The following PMS1 variants were observed in gnomAD, a reference collection of about 807,000 sequenced individuals.
The protein encoded by PMS1 is PMS1 protein homolog 1.
Under a neutral mutation model 93.1 loss-of-function variants are expected in PMS1, and 79 were observed. The ratio of observed to expected loss-of-function variants is 0.85; its 90% CI spans 0.71 to 1.02. The LOEUF is 1.02. PMS1 is among the 50% of genes least tolerant of loss of function. The probability of loss-of-function intolerance (pLI) is 0.00; values close to 1 mark genes in which losing one functional copy is unlikely to be tolerated. For missense variants in PMS1, 1,064 were observed against 1,085.3 expected (o/e 0.98, Z 0.28); for synonymous variants, 335 against 363.4 (o/e 0.92, Z 0.89).
At chr2:189,870,280 G>A (rs2057033930) in intron 11 of PMS1, among the ~76,000 whole-genome samples, 1 of 152,100 alleles carries the variant, frequency 6.6e-6, no homozygotes, top group African/African-American at 2.4e-5. Context: ...TTTGGATAAG[G>A]ATAAAAACAT....
intron 4 of PMS1, among the ~76,000 whole-genome samples, chr2:189,816,782 G>A (rs911083670): frequency 6.6e-6 from 1 of 151,982 alleles, no homozygotes; most frequent in African/African-American, 2.4e-5. Flanking sequence ...ATAAGCAGTA[G>A]GACAAAAATT....
chr2:189,857,549 C>A, intron 9 of PMS1: 1 of 429,876 alleles, frequency 2.3e-6, no homozygotes, highest in African/African-American at 2.1e-5. Context: ...TATAGACCTT[C>A]AGTCCATCCT....
In PMS1 at chr2:189,873,603, A is replaced by T; in HGVS notation, c.2581A>T (p.Asn861Tyr). ...AATTCTTAATGCTATATTAAACAGA[A>T]ATGCAAAGGAAGTTTATGAATGTAG... ...KEILNAILNR[N>Y]AKEVYECRPR... The change falls in exon 12 of 13, where the codon AAT (asparagine) becomes TAT (tyrosine). Residue 861 changes from asparagine (N) to tyrosine (Y), a missense_variant. Transcript: ENST00000441310. 6.2e-7 allele frequency: 1 copy of T among 1,606,336 alleles called. No individual in the cohort carries two copies. Among genetic ancestry groups the T allele is most frequent in the African/African-American group, 1.3e-5 (1 of 74,894 alleles).
rs536009661 is a variant in PMS1 at position 189,861,150 on chromosome 2, G to A, written c.1857-2593G>A. 7.9e-5 allele frequency among the ~76,000 whole-genome samples: 12 copies of A among 151,632 alleles called. No homozygotes were observed. The South Asian group carries it at 2.5e-3, about 32-fold the overall frequency. ...GTTCTTTTGTTCCTCCTTTTTGGGG[G>A]GAGAGGAGCCCTTTAGGGTTAAAAG... On this transcript the variant is annotated intron_variant, in intron 9 of 12. Coordinates refer to ENST00000441310, the MANE Select transcript of PMS1 (RefSeq NM_000534.5).
At chr2:189,836,008 A>G in intron 5 of PMS1, among the ~76,000 whole-genome samples, 1 of 151,786 alleles carries the variant, frequency 6.6e-6, no homozygotes, top group East Asian at 1.9e-4. Context: ...ACAATTTGCA[A>G]GAATTTTGGC....
chr2:189,827,938 G>T lies in PMS1; in HGVS notation c.582+9758G>T, dbSNP rs545282535. On this transcript the variant is annotated intron_variant, in intron 5 of 12. Transcript: ENST00000441310. ...GTTTTGTTTGTTTGTTTGTTTGTTT[G>T]TTTGAGACAGAGTCTTGCTCTGTCA... Among the ~76,000 whole-genome samples, 1,184 of 151,928 alleles carry T rather than the reference G, an allele frequency of 7.8e-3. 13 individuals carry two copies. Among genetic ancestry groups the T allele is most frequent in the African/African-American group, 0.026 (1,071 of 41,426 alleles).
chr2:189,867,554 A>G (rs1455180329), intron 10 of PMS1, among the ~76,000 whole-genome samples: 3 of 152,164 alleles, frequency 2.0e-5, no homozygotes, highest in Non-Finnish European at 4.4e-5. Context: ...CATTTTTAAA[A>G]TTTCACATTC....
At chr2:189,808,889 G>T (rs996919609) in intron 4 of PMS1, among the ~76,000 whole-genome samples, 1 of 151,968 alleles carries the variant, frequency 6.6e-6, no homozygotes, top group Non-Finnish European at 1.5e-5. Flanking sequence ...AATAGCTTTA[G>T]TCCTATCATT....
chr2:189,804,596 C>G (rs1185594051), intron 3 of PMS1, among the ~76,000 whole-genome samples: 1 of 152,146 alleles, frequency 6.6e-6, no homozygotes, highest in Non-Finnish European at 1.5e-5. Context: ...CTGATATTCC[C>G]TGCATGCTAC....
chr2:189,803,115 CTG>C (rs3838542), intron 3 of PMS1, among the ~76,000 whole-genome samples: 7,396 of 152,234 alleles, frequency 0.049, 183 homozygotes, highest in African/African-American at 0.067. Context: ...ATCGTAAAGA[CTG>C]TGCGTTTTCA....
chr2:189,870,386 A>G (rs1054591059), intron 11 of PMS1, among the ~76,000 whole-genome samples: 3 of 152,198 alleles, frequency 2.0e-5, no homozygotes, highest in African/African-American at 4.8e-5. Context: ...TTTGTCCTGC[A>G]TCAATAAGAA....
chr2:189,873,684 TG>T, intron 12 of PMS1, 28 bp downstream of exon 12: 1 of 1,539,442 alleles, frequency 6.5e-7, no homozygotes, highest in Non-Finnish European at 9.0e-7. Context: ...TATATGTTAT[TG>T]TATACAGGGG....
At chr2:189,828,419 G>A (rs2052638304) in intron 5 of PMS1, among the ~76,000 whole-genome samples, 1 of 152,118 alleles carries the variant, frequency 6.6e-6, no homozygotes, top group Non-Finnish European at 1.5e-5. Context: ...ACATCACATT[G>A]TACCTCATAA....
chr2:189,811,514 G>C (rs1251503908), intron 4 of PMS1, among the ~76,000 whole-genome samples: 2 of 152,086 alleles, frequency 1.3e-5, no homozygotes, highest in African/African-American at 2.4e-5. Flanking sequence ...AGAATCTCTT[G>C]AACCCAGGAA....
At chr2:189,856,207 T>C (rs1026625088) in intron 9 of PMS1, among the ~76,000 whole-genome samples, 5 of 151,750 alleles carry the variant, frequency 3.3e-5, no homozygotes, top group East Asian at 1.9e-4. Context: ...TTTGGAAATA[T>C]CCACAAAAGT....
chr2:189,867,185 A>G (rs541040298), intron 10 of PMS1, among the ~76,000 whole-genome samples: 21 of 152,188 alleles, frequency 1.4e-4, no homozygotes, highest in Non-Finnish European at 2.4e-4. Flanking sequence ...CCTTTTTGCA[A>G]TGACTATAAC....
At chr2:189,822,054 T>G (rs2051950301) in intron 5 of PMS1, among the ~76,000 whole-genome samples, 1 of 152,108 alleles carries the variant, frequency 6.6e-6, no homozygotes, top group Non-Finnish European at 1.5e-5. Context: ...GGGTGGCGCC[T>G]CGGGCCTCCA....
intron 9 of PMS1, among the ~76,000 whole-genome samples, chr2:189,859,206 A>T (rs1328913036): frequency 6.6e-6 from 1 of 152,210 alleles, no homozygotes; most frequent in Non-Finnish European, 1.5e-5. Context: ...AGAGCAAAAC[A>T]TTTATCACCA....
At chr2:189,823,802 T>C (rs1353273677) in intron 5 of PMS1, among the ~76,000 whole-genome samples, 2 of 152,138 alleles carry the variant, frequency 1.3e-5, no homozygotes, top group Non-Finnish European at 2.9e-5. Context: ...AATTTAATCT[T>C]TTTGTTTCAA....
Sources: gnomAD v4.1 joint callset for allele counts (sites outside exome capture counted in the v4.1 genomes callset) on GRCh38, gnomAD v4.1.1 for gene constraint, MANE v1.5 for transcripts, NCBI Gene and HGNC (gene_info 2026-07-23, HGNC 2026-07-21) for gene names.